The following SYT16 variants were observed in gnomAD, a reference collection of about 807,000 sequenced individuals.
SYT16 encodes the protein synaptotagmin 16.
A neutral mutation model predicts 61.4 loss-of-function variants in SYT16; 42 were observed. The observed-to-expected ratio is 0.68, with a 90% CI of 0.53 to 0.89. SYT16 has a LOEUF of 0.89. Ranked by LOEUF, SYT16 falls within the 40% of genes least tolerant of loss-of-function variation. The pLI is 0.00. For synonymous variants in SYT16, 314 were observed against 302.3 expected, an observed-to-expected ratio of 1.04 and a Z score of -0.40; for missense variants, 804 against 807.3, an observed-to-expected ratio of 1.00 and a Z score of 0.05.
intron 1 of SYT16, among the ~76,000 whole-genome samples, chr14:61,948,176 A>G (rs1239213367): frequency 1.3e-5 from 2 of 152,110 alleles, no homozygotes; most frequent in Admixed American, 6.6e-5. Flanking sequence ...ACCTAATTCT[A>G]TTAGGGGTTA....
intron 5 of SYT16, 77 bp from the exon 6 acceptor site, chr14:62,080,757 C>T (rs998254759): frequency 1.4e-6 from 2 of 1,441,246 alleles, no homozygotes; most frequent in South Asian, 1.3e-5. Context: ...TGAAGGAGCA[C>T]AAAGGGGCAC....
rs116571716 is a variant in SYT16, at chr14:62,033,301, A to G, written c.524-36302A>G. Among the ~76,000 whole-genome samples, 298 of 152,212 alleles carry G rather than the reference A, an allele frequency of 2.0e-3. 2 individuals are homozygous for G. The highest frequency in any genetic ancestry group is 6.9e-3 in the African/African-American group (286 of 41,566). Reference sequence around the variant, plus strand: ...TCTCCTGAAAGTCAAAGTGGAAATAAAATATTTGACAATATGACTGATAAG... The same window carrying G: ...TCTCCTGAAAGTCAAAGTGGAAATAGAATATTTGACAATATGACTGATAAG... On this transcript the variant is annotated intron_variant, in intron 3 of 7. Coordinates refer to ENST00000683842, the MANE Select transcript of SYT16 (RefSeq NM_001367656.1).
chr14:61,957,357 C>T (rs890439826), intron 1 of SYT16, among the ~76,000 whole-genome samples: 3 of 151,768 alleles, frequency 2.0e-5, no homozygotes, highest in African/African-American at 7.2e-5. Flanking sequence ...TATATTGGAG[C>T]TCATAGTATG....
intron 1 of SYT16, among the ~76,000 whole-genome samples, chr14:61,954,755 C>G (rs1022291464): frequency 4.6e-5 from 7 of 152,108 alleles, no homozygotes; most frequent in Admixed American, 2.6e-4. Flanking sequence ...TTGGCTTACA[C>G]TGATAGAGCT....
At chr14:61,849,470 C>T (rs537268601) in intron 1 of SYT16, among the ~76,000 whole-genome samples, 5 of 152,206 alleles carry the variant, frequency 3.3e-5, no homozygotes, top group South Asian at 2.1e-4. Context: ...CTTGTGGTGG[C>T]GAGGCTTGCT....
chr14:61,857,229 A>G (rs2046803141), intron 1 of SYT16, among the ~76,000 whole-genome samples: 1 of 152,186 alleles, frequency 6.6e-6, no homozygotes, highest in African/African-American at 2.4e-5. Flanking sequence ...AAGCTGGGAC[A>G]TGTGTCTGGT....
intron 1 of SYT16, among the ~76,000 whole-genome samples, chr14:61,825,446 G>A (rs965912529): frequency 7.2e-5 from 11 of 152,258 alleles, no homozygotes; most frequent in African/African-American, 2.6e-4. Flanking sequence ...TTTGGGAGGT[G>A]GAGGCAGGTG....
chr14:61,996,691 C>A, intron 3 of SYT16, 149 bp downstream of exon 3: 1 of 1,009,678 alleles, frequency 9.9e-7, no homozygotes, highest in African/African-American at 1.6e-5. Context: ...GAGATATAAT[C>A]CTTAGGAATA....
At chr14:62,068,289 G>A (rs1456310762) in intron 3 of SYT16, among the ~76,000 whole-genome samples, 1 of 152,022 alleles carries the variant, frequency 6.6e-6, no homozygotes, top group Non-Finnish European at 1.5e-5. Flanking sequence ...TGGAACTGGA[G>A]GACATTATGC....
chr14:61,973,254 A>C (rs925780240), intron 2 of SYT16, among the ~76,000 whole-genome samples: 2 of 152,192 alleles, frequency 1.3e-5, no homozygotes, highest in Non-Finnish European at 2.9e-5. Context: ...AAGAATTTAC[A>C]CATGCCATTC....
At chr14:61,912,976 G>C (rs2048989488) in intron 1 of SYT16, among the ~76,000 whole-genome samples, 1 of 152,136 alleles carries the variant, frequency 6.6e-6, no homozygotes, top group South Asian at 2.1e-4. Flanking sequence ...AGAGTGATGG[G>C]TGATGAATTC....
chr14:61,835,869 C>T (rs1323270405), intron 1 of SYT16, among the ~76,000 whole-genome samples: 1 of 152,120 alleles, frequency 6.6e-6, no homozygotes, highest in African/African-American at 2.4e-5. Flanking sequence ...ATTTTCCTAC[C>T]TGGCTCACAG....
At chr14:62,084,407 C>T (rs1411235558) in intron 7 of SYT16, 22 bp downstream of exon 7, 3 of 1,600,504 alleles carry the variant, frequency 1.9e-6, no homozygotes, top group Non-Finnish European at 2.6e-6. Context: ...TCTGTTCTCC[C>T]AGCTCTGGTT....
At chr14:61,906,775 A>T (rs374874481) in intron 1 of SYT16, among the ~76,000 whole-genome samples, 2 of 110,418 alleles carry the variant, frequency 1.8e-5, no homozygotes, top group South Asian at 3.3e-4. Flanking sequence ...CAATCCATCC[A>T]TCCGTCCGTC....
chr14:61,926,767 T>G (rs911132013), intron 1 of SYT16, among the ~76,000 whole-genome samples: 2 of 152,130 alleles, frequency 1.3e-5, no homozygotes, highest in Non-Finnish European at 2.9e-5. Flanking sequence ...TTACACAATT[T>G]CGTTTGTGTG....
chr14:62,049,439 G>T (rs553357263), intron 3 of SYT16, among the ~76,000 whole-genome samples: 3 of 152,274 alleles, frequency 2.0e-5, no homozygotes, highest in Admixed American at 1.3e-4. Context: ...CAATTTGCCA[G>T]TCTGTGTCTT....
In SYT16 at chr14:62,101,840, T is replaced by C. The variant is rs1180680540; in HGVS notation, c.*1133T>C. ...TTTTTATGGCATTTGCAGCAACATA[T>C]ATTAGTCACTACTTGCAATCTGGGC... On this transcript the variant is annotated 3_prime_UTR_variant, in exon 8 of 8. Coordinates refer to ENST00000683842, the MANE Select transcript of SYT16 (RefSeq NM_001367656.1). The C allele has an allele frequency of 6.6e-6, 1 of 152,224 alleles. No individual in the cohort carries two copies. Among genetic ancestry groups the C allele is most frequent in the Non-Finnish European group, 1.5e-5 (1 of 68,030 alleles). The allele number at this position is 152,224 out of a possible 1,614,324, so 9.4% of individuals were successfully genotyped here. A position where few individuals can be genotyped will look rare whatever the true frequency, so the allele number is the denominator to read the frequency against.
chr14:61,866,859 A>C lies in SYT16; in HGVS notation c.-325+54049A>C, dbSNP rs72716793. 3.9e-5 allele frequency among the ~76,000 whole-genome samples: 6 copies of C among 152,126 alleles called. No homozygotes were observed. In the East Asian group the frequency reaches 9.6e-4, roughly 24 times the overall value. On this transcript the variant is annotated intron_variant, in intron 1 of 7. Transcript: ENST00000683842. ...TCCAAAGTCAAAAGAATTTTCTCCA[A>C]TGTTTTTTCCTAGAAGTTTTATAGT...
chr14:62,090,302 A>G (rs143153192), intron 7 of SYT16, among the ~76,000 whole-genome samples: 1 of 152,376 alleles, frequency 6.6e-6, no homozygotes, highest in African/African-American at 2.4e-5. Context: ...TTAGCCACAC[A>G]TGATAATTAC....
Sources: gnomAD v4.1 joint callset for allele counts (sites outside exome capture counted in the v4.1 genomes callset) on GRCh38, gnomAD v4.1.1 for gene constraint, MANE v1.5 for transcripts, NCBI Gene and HGNC (gene_info 2026-07-23, HGNC 2026-07-21) for gene names.